DCTPP1: variants seen among roughly 807,000 people sequenced by gnomAD.
DCTPP1 encodes XTP3-transactivated gene A protein.
A neutral mutation model predicts 8.8 loss-of-function variants in DCTPP1; 8 were observed. The observed-to-expected ratio is 0.91, with a 90% CI of 0.54 to 1.64. The LOEUF is 1.64. Ranked by LOEUF, DCTPP1 falls within the 40% of genes most tolerant of loss-of-function variation. DCTPP1 has a pLI of 0.00. For synonymous variants in DCTPP1, 85 were observed against 92.1 expected, an observed-to-expected ratio of 0.92 and a Z score of 0.44; for missense variants, 231 against 230.4, an observed-to-expected ratio of 1.00 and a Z score of -0.02.
At chr16:30,425,071 G>C (rs1232273231) in intron 2 of DCTPP1, among the ~76,000 whole-genome samples, 2 of 152,194 alleles carry the variant, frequency 1.3e-5, no homozygotes, top group Admixed American at 1.3e-4. Flanking sequence ...GTAGAGACAG[G>C]GTTTTGCCAT....
chr16:30,430,003 C>A lies in DCTPP1; in HGVS notation c.-23G>T. Reference sequence around the variant, plus strand: ...CATGCCGCCCACCGCTGCACCGCGACTTCACGGAAAACCCACGAGCCACGC... The same window carrying A: ...CATGCCGCCCACCGCTGCACCGCGAATTCACGGAAAACCCACGAGCCACGC... On this transcript the variant is annotated 5_prime_UTR_variant, in exon 1 of 3. Transcript: ENST00000319285. 6.8e-7 allele frequency: 1 copy of A among 1,465,966 alleles called. No individual in the cohort carries two copies. Among genetic ancestry groups the A allele is most frequent in the South Asian group, 1.4e-5 (1 of 73,370 alleles). The allele number at this position is 1,465,966 out of a possible 1,614,324, so 90.8% of individuals were successfully genotyped here. A position where few individuals can be genotyped will look rare whatever the true frequency, so the allele number is the denominator to read the frequency against.
At chr16:30,426,923 A>C (rs1775224076) in intron 2 of DCTPP1, among the ~76,000 whole-genome samples, 1 of 148,568 alleles carries the variant, frequency 6.7e-6, no homozygotes. Context: ...CTGGTCTTGA[A>C]CTCCTGACCT....
At chr16:30,429,855 C>G in intron 1 of DCTPP1, 25 bp downstream of exon 1, 1 of 1,583,142 alleles carries the variant, frequency 6.3e-7, no homozygotes, top group East Asian at 2.4e-5. Context: ...ACTTCCCCAC[C>G]CCGAGCTGGG....
intron 2 of DCTPP1, among the ~76,000 whole-genome samples, chr16:30,424,871 A>C (rs1484307380): frequency 6.6e-6 from 1 of 151,892 alleles, no homozygotes; most frequent in Admixed American, 6.6e-5. Context: ...CTCATCTTCT[A>C]CTCCTGCCCA....
Position 30,429,900 on chromosome 16 carries a change from C to T in DCTPP1, c.81G>A (p.Pro27=), listed in dbSNP as rs750072598. 3 of 1,595,402 alleles carry T rather than the reference C, an allele frequency of 1.9e-6. No individual in the cohort carries two copies. The highest frequency in any genetic ancestry group is 1.4e-5 in the African/African-American group (1 of 72,978). Residue 27 remains proline (P), a synonymous_variant, in exon 1 of 3, where the codon CCG becomes CCA. Transcript: ENST00000319285. ...CTTACATGTCCTCGAGCGTGGGCTC[C>T]GGGCTGAAGCTGAACCGGCCGGGAG... ...TAAPGRFSFS[P]EPTLEDIRRL...
chr16:30,424,164 GGCTCCAGGGCCAGGCC>G lies in DCTPP1; in HGVS notation c.*53_*68del. The G allele has an allele frequency of 6.5e-7, 1 of 1,544,812 alleles. No individual in the cohort carries two copies. The highest frequency in any genetic ancestry group is 8.7e-7 in the Non-Finnish European group (1 of 1,145,122). On this transcript the variant is annotated 3_prime_UTR_variant, in exon 3 of 3. Coordinates refer to ENST00000319285, the MANE Select transcript of DCTPP1 (RefSeq NM_024096.2). ...ATCTATTCTGAAAAGACTAGAAAAA[GGCTCCAGGGCCAGGCC>G]ACTCTCTGCTCTTCAGACACCACCC... is the stretch of plus-strand genomic sequence containing the variant.
At chr16:30,427,529 GTCA>G (rs1378882372) in intron 2 of DCTPP1, among the ~76,000 whole-genome samples, 1 of 152,118 alleles carries the variant, frequency 6.6e-6, no homozygotes, top group Non-Finnish European at 1.5e-5. Flanking sequence ...GCCAGACTGG[GTCA>G]TCACCTTGTG....
chr16:30,424,977 T>C (rs1456392718), intron 2 of DCTPP1, among the ~76,000 whole-genome samples: 1 of 152,120 alleles, frequency 6.6e-6, no homozygotes, highest in Non-Finnish European at 1.5e-5. Flanking sequence ...GCCTCCCGGG[T>C]TCAAGCGATT....
chr16:30,425,460 C>T (rs2050187838), intron 2 of DCTPP1, among the ~76,000 whole-genome samples: 1 of 152,050 alleles, frequency 6.6e-6, no homozygotes, highest in South Asian at 2.1e-4. Context: ...AGCATTCCAG[C>T]CTGGGAAACA....
Position 30,423,980 on chromosome 16 carries a change from C to G in DCTPP1, c.*253G>C, listed in dbSNP as rs990618952. Reference sequence around the variant, plus strand: ...GGTCTCAGAGGCACCCCTGGTACCCCCGTCATCACCTGCTGAGACAGAGAG... The same window carrying G: ...GGTCTCAGAGGCACCCCTGGTACCCGCGTCATCACCTGCTGAGACAGAGAG... On this transcript the variant is annotated 3_prime_UTR_variant, in exon 3 of 3. Transcript: ENST00000319285. 6.0e-6 allele frequency: 3 copies of G among 503,404 alleles called. No individual in the cohort carries two copies. In the South Asian group the frequency reaches 8.0e-5, roughly 13 times the overall value. 31.2% of individuals were successfully genotyped at this position (503,404 alleles called of 1,614,324 possible).
At position 30,427,888 on chromosome 16, in the gene DCTPP1, C is replaced by G. The variant is rs533165668; in HGVS notation, c.212+1169G>C. ...TGGTGGCGCACGCCTGTAGACCCAG[C>G]TACTCCGAAGGCTGAGGTGGGAGGA... On this transcript the variant is annotated intron_variant, in intron 2 of 2. Transcript: ENST00000319285. 5.6e-4 allele frequency among the ~76,000 whole-genome samples: 86 copies of G among 152,302 alleles called. 2 individuals carry two copies. The South Asian group carries it at 0.017, about 30-fold the overall frequency.
chr16:30,424,406 G>C lies in DCTPP1; in HGVS notation c.340C>G (p.Leu114Val). The change falls in exon 3 of 3, where the codon CTG becomes GTG. Residue 114 changes from leucine (L) to valine (V), a missense_variant. Coordinates refer to ENST00000319285, the MANE Select transcript of DCTPP1 (RefSeq NM_024096.2). ...ATTTTGGAGAGCACTGCTAGCGGCA[G>C]ATCCACACGGCAGCGGGCTGCTAAT... The part of the protein sequence containing the change: ...VALAARCRVD[L>V]PLAVLSKMDI... 6.2e-7 allele frequency: 1 copy of C among 1,614,254 alleles called. No individual in the cohort carries two copies. Among genetic ancestry groups the C allele is most frequent in the Non-Finnish European group, 8.5e-7 (1 of 1,180,052 alleles).
chr16:30,428,747 A>G (rs1183325080), intron 2 of DCTPP1: 2 of 408,976 alleles, frequency 4.9e-6, no homozygotes, highest in African/African-American at 4.1e-5. Context: ...AGCCTGGGCG[A>G]CAGAGCGAGA....
chr16:30,425,750 G>T (rs1424777813), intron 2 of DCTPP1, among the ~76,000 whole-genome samples: 1 of 152,156 alleles, frequency 6.6e-6, no homozygotes, highest in Non-Finnish European at 1.5e-5. Context: ...CCGGGAGGCG[G>T]AGGTTGCAGT....
Position 30,424,272 on chromosome 16 carries a change from C to T in DCTPP1, c.474G>A (p.Ala158=), listed in dbSNP as rs751601499. The stretch of plus-strand genomic sequence containing the variant: ...GGCCTGTGGAGTCACAGGGAATGTC[C>T]GCAGGCCCCACAGCCTGGTCTTCAG... The part of the protein sequence containing the change: ...AISEDQAVGP[A]DIPCDSTGQT... Residue 158 remains alanine (A), a synonymous_variant, in exon 3 of 3, where the codon GCG becomes GCA. Coordinates refer to ENST00000319285, the MANE Select transcript of DCTPP1 (RefSeq NM_024096.2). 1.5e-5 allele frequency: 24 copies of T among 1,614,044 alleles called. No individual in the cohort carries two copies. The highest frequency in any genetic ancestry group is 4.5e-5 in the East Asian group (2 of 44,900).
intron 1 of DCTPP1, 39 bp downstream of exon 1, chr16:30,429,841 G>A (rs952707983): frequency 2.2e-5 from 34 of 1,569,806 alleles, no homozygotes; most frequent in Middle Eastern, 1.7e-4. Context: ...GGGAGAAAGG[G>A]GCGACTTCCC....
rs556563690 is a variant in DCTPP1, at chr16:30,426,857, G to A, written c.212+2200C>T. Among the ~76,000 whole-genome samples, 156 of 151,674 alleles carry A rather than the reference G, an allele frequency of 1.0e-3. 1 individual carries two copies. The highest frequency in any genetic ancestry group is 3.7e-3 in the African/African-American group (152 of 41,330). On this transcript the variant is annotated intron_variant, in intron 2 of 2. Coordinates refer to ENST00000319285, the MANE Select transcript of DCTPP1 (RefSeq NM_024096.2). ...TGGGACTACAGGGGTGTGCCACCATGCCCAGCTAATGGTTGTATTTTTTAG... is the reference window on the plus strand; with the variant it reads ...TGGGACTACAGGGGTGTGCCACCATACCCAGCTAATGGTTGTATTTTTTAG...
Position 30,429,998 on chromosome 16 carries a change from C to T in DCTPP1, c.-18G>A, listed in dbSNP as rs2050216234. ...ACAGACATGCCGCCCACCGCTGCAC[C>T]GCGACTTCACGGAAAACCCACGAGC... On this transcript the variant is annotated 5_prime_UTR_variant, in exon 1 of 3. Transcript: ENST00000319285. 4.8e-6 allele frequency: 7 copies of T among 1,473,610 alleles called. No homozygotes were observed. In the South Asian group the frequency reaches 5.4e-5, roughly 11 times the overall value. 91.3% of individuals were successfully genotyped at this position (1,473,610 alleles called of 1,614,324 possible).
chr16:30,428,242 A>C (rs1054419327), intron 2 of DCTPP1, among the ~76,000 whole-genome samples: 1 of 152,120 alleles, frequency 6.6e-6, no homozygotes, highest in Admixed American at 6.6e-5. Flanking sequence ...CACTCATCCA[A>C]CGTGTGCCTA....
Sources: allele counts gnomAD v4.1 joint callset (sites outside exome capture counted in the v4.1 genomes callset), GRCh38; gene constraint gnomAD v4.1.1; transcripts MANE v1.5; gene names NCBI Gene and HGNC (gene_info 2026-07-23, HGNC 2026-07-21).